IQCM: variants seen among roughly 807,000 people sequenced by gnomAD.
IQCM encodes the protein IQ domain-containing protein M.
IQCM carries 45 observed loss-of-function variants against 57.6 expected under a neutral mutation model. The ratio of observed to expected loss-of-function variants is 0.78; its 90% CI spans 0.62 to 1.00. The LOEUF is 1.00. Ranked by LOEUF, IQCM falls within the 50% of genes least tolerant of loss-of-function variation. IQCM has a pLI of 0.00. For synonymous variants in IQCM, 148 were observed against 158.9 expected (o/e 0.93, Z 0.51); for missense variants, 468 against 511.6 (o/e 0.91, Z 0.82).
chr4:149,664,178 T>G (rs1760481345), intron 7 of IQCM, among the ~76,000 whole-genome samples: 1 of 152,170 alleles, frequency 6.6e-6, no homozygotes, highest in Non-Finnish European at 1.5e-5. Flanking sequence ...TTATTGGATT[T>G]CTTGTTCAGA....
intron 12 of IQCM, among the ~76,000 whole-genome samples, chr4:149,436,746 A>G (rs1735399539): frequency 6.6e-6 from 1 of 152,046 alleles, no homozygotes; most frequent in South Asian, 2.1e-4. Flanking sequence ...CAATATTGCC[A>G]TAAGGGATTT....
intron 8 of IQCM, among the ~76,000 whole-genome samples, chr4:149,619,886 G>A (rs1361290959): frequency 6.6e-6 from 1 of 152,138 alleles, no homozygotes; most frequent in Non-Finnish European, 1.5e-5. Flanking sequence ...GCCGGGCATG[G>A]TGGCTGACAC....
At chr4:149,497,367 G>A (rs1742766052) in intron 12 of IQCM, among the ~76,000 whole-genome samples, 1 of 152,112 alleles carries the variant, frequency 6.6e-6, no homozygotes, top group Non-Finnish European at 1.5e-5. Flanking sequence ...CATAGTATCA[G>A]TCCATTTTCA....
chr4:149,608,923 T>C (rs944564149), intron 8 of IQCM, among the ~76,000 whole-genome samples: 1 of 150,686 alleles, frequency 6.6e-6, no homozygotes, highest in South Asian at 2.1e-4. Flanking sequence ...ATAAATGAAA[T>C]GAAAACAACA....
At chr4:149,496,273 T>A (rs1360334433) in intron 12 of IQCM, among the ~76,000 whole-genome samples, 1 of 152,096 alleles carries the variant, frequency 6.6e-6, no homozygotes, top group Non-Finnish European at 1.5e-5. Context: ...GTTATAAGAA[T>A]CCTGCAAGGA....
At chr4:149,743,371 A>G (rs1767637619) in intron 2 of IQCM, among the ~76,000 whole-genome samples, 1 of 152,054 alleles carries the variant, frequency 6.6e-6, no homozygotes, top group African/African-American at 2.4e-5. Context: ...TAAATACAGT[A>G]GTTATGTTGT....
At chr4:149,541,467 G>A (rs1286458623) in intron 12 of IQCM, among the ~76,000 whole-genome samples, 1 of 151,928 alleles carries the variant, frequency 6.6e-6, no homozygotes, top group East Asian at 1.9e-4. Flanking sequence ...TGGAAAAATA[G>A]GGGAAAACCT....
intron 2 of IQCM, among the ~76,000 whole-genome samples, chr4:149,770,523 T>C (rs1266435573): frequency 6.6e-6 from 1 of 152,102 alleles, no homozygotes. Flanking sequence ...TTTATGAACA[T>C]AGATGCAAAA....
At chr4:149,790,972 A>C (rs1239802552) in intron 2 of IQCM, among the ~76,000 whole-genome samples, 1 of 152,188 alleles carries the variant, frequency 6.6e-6, no homozygotes, top group Admixed American at 6.5e-5. Flanking sequence ...TTCTAAAATA[A>C]AATAAAGAAC....
At chr4:149,589,917 T>C (rs941422823) in intron 8 of IQCM, among the ~76,000 whole-genome samples, 1 of 152,078 alleles carries the variant, frequency 6.6e-6, no homozygotes, top group African/African-American at 2.4e-5. Flanking sequence ...ATTGTTAATC[T>C]TGATATTTCA....
chr4:149,380,372 G>A (rs1232424933), intron 13 of IQCM, among the ~76,000 whole-genome samples: 1 of 152,062 alleles, frequency 6.6e-6, no homozygotes, highest in African/African-American at 2.4e-5. Context: ...TGGCCCAGAG[G>A]TATGTAACCT....
At chr4:149,562,460 ATAGT>A (rs1750219423) in intron 10 of IQCM, among the ~76,000 whole-genome samples, 1 of 152,172 alleles carries the variant, frequency 6.6e-6, no homozygotes, top group Non-Finnish European at 1.5e-5. Context: ...ATCAATATAG[ATAGT>A]TACAGAAAAG....
intron 9 of IQCM, among the ~76,000 whole-genome samples, chr4:149,579,980 T>C (rs1409270265): frequency 6.6e-6 from 1 of 151,830 alleles, no homozygotes; most frequent in Non-Finnish European, 1.5e-5. Context: ...CAGTTAAGTA[T>C]ATTCTCTAGC....
chr4:149,548,041 G>A (rs1748635606), intron 12 of IQCM, among the ~76,000 whole-genome samples: 1 of 152,036 alleles, frequency 6.6e-6, no homozygotes, highest in African/African-American at 2.4e-5. Flanking sequence ...AGCTTACAAT[G>A]TTTATACATT....
chr4:149,379,065 G>A (rs936762715), intron 13 of IQCM, among the ~76,000 whole-genome samples: 1 of 152,188 alleles, frequency 6.6e-6, no homozygotes. Flanking sequence ...ATGTGGTGTT[G>A]AGCCTGTGGG....
chr4:149,672,082 A>C (rs1277367531), intron 7 of IQCM, among the ~76,000 whole-genome samples: 1 of 152,134 alleles, frequency 6.6e-6, no homozygotes, highest in Non-Finnish European at 1.5e-5. Context: ...GAAAACTAAC[A>C]AACAGAAAGG....
At chr4:149,394,969 T>C (rs942053330) in intron 13 of IQCM, among the ~76,000 whole-genome samples, 7 of 152,000 alleles carry the variant, frequency 4.6e-5, no homozygotes, top group Non-Finnish European at 5.9e-5. Context: ...GCTTATTTTG[T>C]TTTTTATTGG....
intron 8 of IQCM, among the ~76,000 whole-genome samples, chr4:149,596,384 T>C (rs994718110): frequency 5.3e-5 from 8 of 152,200 alleles, no homozygotes; most frequent in African/African-American, 1.9e-4. Flanking sequence ...TTGAAATTAC[T>C]GTTTTATAAT....
At chr4:149,802,379 T>G (rs887143219) in intron 2 of IQCM, among the ~76,000 whole-genome samples, 2 of 152,034 alleles carry the variant, frequency 1.3e-5, no homozygotes, top group Admixed American at 6.6e-5. Context: ...TGTTGGCTCT[T>G]GACTGACTGA....
Sources: allele counts gnomAD v4.1 joint callset (sites outside exome capture counted in the v4.1 genomes callset), GRCh38; gene constraint gnomAD v4.1.1; transcripts MANE v1.5; gene names NCBI Gene and HGNC (gene_info 2026-07-23, HGNC 2026-07-21).